BTNL8: variants seen among roughly 807,000 people sequenced by gnomAD.
BTNL8 encodes the protein butyrophilin like 8.
In BTNL8, 22 loss-of-function variants were observed where a neutral mutation model predicts 36.1. That is an observed-to-expected ratio of 0.61 (90% CI 0.44 to 0.87). The LOEUF is 0.87. BTNL8 is among the 40% of genes least tolerant of loss of function. The pLI, the probability that BTNL8 is intolerant of heterozygous loss-of-function variation, is 0.00. For synonymous variants in BTNL8, 203 were observed against 235.6 expected (o/e 0.86, Z 1.27); for missense variants, 526 against 616.9 (o/e 0.85, Z 1.56).
chr5:180,910,715 A>G (rs934808560), intron 2 of BTNL8, among the ~76,000 whole-genome samples: 29 of 152,302 alleles, frequency 1.9e-4, no homozygotes, highest in African/African-American at 7.0e-4. Context: ...CCCCCATGAC[A>G]GAAAAGGCAA....
intron 1 of BTNL8, among the ~76,000 whole-genome samples, chr5:180,908,371 G>A (rs1299419581): frequency 6.6e-5 from 10 of 152,086 alleles, no homozygotes; most frequent in Non-Finnish European, 8.8e-5. Context: ...GCTTCGGCTC[G>A]TGCACGGTGC....
In BTNL8 at chr5:180,911,591, T is replaced by G; in HGVS notation, c.650T>G (p.Val217Gly). 1.2e-6 allele frequency: 2 copies of G among 1,612,386 alleles called. No homozygotes were observed. Among genetic ancestry groups the G allele is most frequent in the Non-Finnish European group, 1.7e-6 (2 of 1,179,256 alleles). Residue 217 changes from valine to glycine, a missense_variant, in exon 3 of 8, where the codon GTG becomes GGG. This residue lies in a region of BTNL8 where 350 missense variants were observed against 324.6 expected (regional missense o/e 1.08). Coordinates refer to ENST00000340184, the MANE Select transcript of BTNL8 (RefSeq NM_001040462.3). Reference protein sequence around the residue: ...SMRHAHLSREVESRVQIGDTF... With the variant: ...SMRHAHLSREGESRVQIGDTF... ...CGGCATGCTCATCTGAGCCGAGAGG[T>G]GGAATCCAGGGTACAGATAGGAGGT...
intron 1 of BTNL8, among the ~76,000 whole-genome samples, chr5:180,901,908 C>T (rs1198005121): frequency 6.6e-6 from 1 of 152,138 alleles, no homozygotes; most frequent in Admixed American, 6.5e-5. Context: ...AAACAGACTG[C>T]AAAATCTTGT....
At chr5:180,901,659 A>T (rs779387028) in intron 1 of BTNL8, among the ~76,000 whole-genome samples, 2 of 152,190 alleles carry the variant, frequency 1.3e-5, no homozygotes, top group Non-Finnish European at 2.9e-5. Flanking sequence ...CTCACAGAAA[A>T]CATGTAATTG....
At chr5:180,926,983 A>C (rs1238157452) in intron 3 of BTNL8, among the ~76,000 whole-genome samples, 3 of 152,198 alleles carry the variant, frequency 2.0e-5, no homozygotes, top group Non-Finnish European at 2.9e-5. Context: ...TAAGGGACAG[A>C]CTGCCTCTTC....
At chr5:180,909,123 C>T (rs746145454) in intron 2 of BTNL8, among the ~76,000 whole-genome samples, 190 bp downstream of exon 2, 7 of 152,158 alleles carry the variant, frequency 4.6e-5, no homozygotes, top group Non-Finnish European at 1.0e-4. Context: ...CAGGTAACCA[C>T]CATCACATCA....
At chr5:180,917,631 A>G (rs1359508707) in intron 3 of BTNL8, among the ~76,000 whole-genome samples, 1 of 152,272 alleles carries the variant, frequency 6.6e-6, no homozygotes, top group African/African-American at 2.4e-5. Context: ...CAGACCAGTA[A>G]TTAGTTAGAA....
intron 3 of BTNL8, among the ~76,000 whole-genome samples, chr5:180,914,263 A>G (rs1757527273): frequency 6.6e-6 from 1 of 152,190 alleles, no homozygotes; most frequent in Admixed American, 6.5e-5. Flanking sequence ...CTGCCATGTG[A>G]GGGACACAGT....
rs374590204 is a variant in BTNL8 at position 180,911,628 on chromosome 5, G to A, written c.673+14G>A. ...TACAGATAGGAGGTGAGTAGGGAGG[G>A]GAGGAGAAGAGAAGGAGGGGTGGAT... On this transcript the variant is annotated intron_variant, in intron 3 of 7. Transcript: ENST00000340184. 92 of 1,592,648 alleles carry A rather than the reference G, an allele frequency of 5.8e-5. 3 individuals are homozygous for A. The East Asian group carries it at 9.2e-4, about 16-fold the overall frequency.
rs562657880 is a variant in BTNL8 at position 180,948,270 on chromosome 5, C to A, written c.788-85C>A. The A allele has an allele frequency of 8.9e-6, 13 of 1,458,324 alleles. No homozygotes were observed. In the South Asian group the frequency reaches 1.4e-4, roughly 15 times the overall value. The allele number at this position is 1,458,324 out of a possible 1,614,324, so 90.3% of individuals were successfully genotyped here. A position where few individuals can be genotyped will look rare whatever the true frequency, so the allele number is the denominator to read the frequency against. On this transcript the variant is annotated intron_variant, in intron 4 of 7. Transcript: ENST00000340184. ...GGCCCTGCCCTTCACACCTGCAGCT[C>A]GTCCCACCTGTGCAAGGAGCCAGCG...
chr5:180,949,249 C>T lies in BTNL8; in HGVS notation c.846C>T (p.Asp282=), dbSNP rs149566660. ...RRKHGQAELR[D]ARKHAVEVTL... is the part of the protein sequence containing the mutation. Reference sequence around the variant, plus strand: ...TCTGCTTGCTTTCAGAATTGAGAGACGCCCGGAAACACGCAGGTACCAACG... The same window carrying T: ...TCTGCTTGCTTTCAGAATTGAGAGATGCCCGGAAACACGCAGGTACCAACG... The change falls in exon 7 of 8, where the codon GAC becomes GAT. Residue 282 remains aspartate (D), a synonymous_variant. Transcript: ENST00000340184. 11,962 of 1,459,044 alleles carry T rather than the reference C, an allele frequency of 8.2e-3. 1,896 individuals carry two copies. The African/African-American group carries it at 0.14, about 18-fold the overall frequency. 90.4% of individuals were successfully genotyped at this position (1,459,044 alleles called of 1,614,324 possible). A position where few individuals can be genotyped will look rare whatever the true frequency, so the allele number is the denominator to read the frequency against.
chr5:180,927,193 G>A (rs1458840087), intron 3 of BTNL8, among the ~76,000 whole-genome samples: 1 of 152,164 alleles, frequency 6.6e-6, no homozygotes, highest in Non-Finnish European at 1.5e-5. Context: ...GGCCTGGAGT[G>A]GACCTCCAGT....
At chr5:180,944,182 G>A (rs1366956899) in intron 3 of BTNL8, among the ~76,000 whole-genome samples, 1 of 151,980 alleles carries the variant, frequency 6.6e-6, no homozygotes, top group Non-Finnish European at 1.5e-5. Flanking sequence ...ATAGGGTAGA[G>A]GGAGGAATGG....
At position 180,950,677 on chromosome 5, in the gene BTNL8, T is replaced by C; in HGVS notation, c.*133T>C. The C allele has an allele frequency of 1.3e-5, 12 of 936,286 alleles. No individual in the cohort carries two copies. The South Asian group carries it at 1.6e-4, about 12-fold the overall frequency. 58.0% of individuals were successfully genotyped at this position (936,286 alleles called of 1,614,324 possible). ...CTGTCCACATGGGAGTCAGGTGTCA[T>C]GGCTGCCCTGAGCTGGGAGGGAAGA... On this transcript the variant is annotated 3_prime_UTR_variant, in exon 8 of 8. Coordinates refer to ENST00000340184, the MANE Select transcript of BTNL8 (RefSeq NM_001040462.3).
intron 3 of BTNL8, among the ~76,000 whole-genome samples, chr5:180,932,510 C>A (rs1401359641): frequency 1.3e-5 from 2 of 152,148 alleles, no homozygotes; most frequent in East Asian, 1.9e-4. Flanking sequence ...CCATGCCTGG[C>A]TAATTTTTTT....
At chr5:180,908,031 C>T (rs1386031174) in intron 1 of BTNL8, among the ~76,000 whole-genome samples, 3 of 152,244 alleles carry the variant, frequency 2.0e-5, no homozygotes, top group Non-Finnish European at 4.4e-5. Flanking sequence ...CCTCCTTGAG[C>T]TGTGGTGGGC....
chr5:180,930,345 C>T (rs901551995), intron 3 of BTNL8, among the ~76,000 whole-genome samples: 1 of 152,128 alleles, frequency 6.6e-6, no homozygotes, highest in Non-Finnish European at 1.5e-5. Context: ...AAACCCACAG[C>T]CAATATAATA....
intron 2 of BTNL8, chr5:180,909,488 G>A (rs528254128): frequency 5.4e-5 from 52 of 965,262 alleles, no homozygotes; most frequent in African/African-American, 2.5e-4. Flanking sequence ...GGGAGCAAAC[G>A]TCAGCTCCAG....
At chr5:180,943,130 C>CTTTTT (rs35271643) in intron 3 of BTNL8, among the ~76,000 whole-genome samples, 10 of 100,650 alleles carry the variant, frequency 9.9e-5, no homozygotes, top group African/African-American at 1.6e-4. Flanking sequence ...GGAAGATAGA[C>CTTTTT]TTTTTTTTTT....
Sources: gnomAD v4.1 joint callset for allele counts (sites outside exome capture counted in the v4.1 genomes callset) on GRCh38, gnomAD v4.1.1 for gene constraint, gnomAD v4.1.1 regional missense constraint, MANE v1.5 for transcripts, NCBI Gene and HGNC (gene_info 2026-07-23, HGNC 2026-07-21) for gene names.